The following SEMA6D variants were observed in gnomAD, a reference collection of about 807,000 sequenced individuals.
SEMA6D encodes the protein semaphorin 6D, also known as semaphorin-6D.
In SEMA6D, 35 loss-of-function variants were observed where a neutral mutation model predicts 106.6. The ratio of observed to expected loss-of-function variants is 0.33; its 90% confidence interval spans 0.25 to 0.44. The LOEUF is 0.44. Ranked by LOEUF, SEMA6D falls within the 20% of genes least tolerant of loss-of-function variation. The pLI is 1.00. For synonymous variants in SEMA6D, 499 were observed against 487.7 expected (o/e 1.02, Z -0.31); for missense variants, 1,185 against 1,345.9 (o/e 0.88, Z 1.87).
chr15:47,300,497 T>G (rs947677601), intron 1 of SEMA6D, among the ~76,000 whole-genome samples: 2 of 152,166 alleles, frequency 1.3e-5, no homozygotes, highest in Non-Finnish European at 2.9e-5. Context: ...GAATAAAACG[T>G]GTCCCTGCCA....
chr15:47,400,041 C>A (rs1280202409), intron 1 of SEMA6D, among the ~76,000 whole-genome samples: 1 of 152,140 alleles, frequency 6.6e-6, no homozygotes, highest in Non-Finnish European at 1.5e-5. Context: ...TTTTATGATA[C>A]CCTCCTCACC....
intron 1 of SEMA6D, among the ~76,000 whole-genome samples, chr15:47,353,005 A>G (rs1287553127): frequency 2.6e-5 from 4 of 152,156 alleles, no homozygotes; most frequent in Non-Finnish European, 5.9e-5. Flanking sequence ...CTGTACACAG[A>G]TGTCGTAAGA....
chr15:47,231,999 T>C (rs2032227910), intron 1 of SEMA6D, among the ~76,000 whole-genome samples: 1 of 152,004 alleles, frequency 6.6e-6, no homozygotes, highest in African/African-American at 2.4e-5. Context: ...CTGTGAGTAA[T>C]CAATCCCAAT....
At chr15:47,576,184 AT>A (rs1272879230) in intron 3 of SEMA6D, among the ~76,000 whole-genome samples, 2 of 152,334 alleles carry the variant, frequency 1.3e-5, no homozygotes, top group East Asian at 3.9e-4. Context: ...TTCAGAAACT[AT>A]ATTGGAATTT....
At chr15:47,575,730 A>AC (rs1461767783) in intron 3 of SEMA6D, among the ~76,000 whole-genome samples, 4 of 152,124 alleles carry the variant, frequency 2.6e-5, no homozygotes, top group African/African-American at 9.7e-5. Flanking sequence ...AAACAAAAAA[A>AC]AAAGAGAGAA....
chr15:47,400,763 T>G (rs1401834595), intron 1 of SEMA6D, among the ~76,000 whole-genome samples: 1 of 152,232 alleles, frequency 6.6e-6, no homozygotes, highest in African/African-American at 2.4e-5. Flanking sequence ...GGCCTATTTC[T>G]AAAGCACACA....
At position 47,771,898 on chromosome 15, in the gene SEMA6D, G is replaced by T; in HGVS notation, c.*113G>T. On this transcript the variant is annotated 3_prime_UTR_variant, in exon 19 of 19. Transcript: ENST00000536845. ...CGCTTGTATTTTAAGAGAACCAAGTGGCCAAAGAAACTCTTTCTAACTTTG... is the reference window on the plus strand; with the variant it reads ...CGCTTGTATTTTAAGAGAACCAAGTTGCCAAAGAAACTCTTTCTAACTTTG... 1.7e-6 allele frequency: 2 copies of T among 1,164,552 alleles called. No individual in the cohort carries two copies. Among genetic ancestry groups the T allele is most frequent in the Non-Finnish European group, 2.4e-6 (2 of 820,746 alleles). 72.1% of individuals were successfully genotyped at this position (1,164,552 alleles called of 1,614,324 possible). A position where few individuals can be genotyped will look rare whatever the true frequency, so the allele number is the denominator to read the frequency against.
At chr15:47,465,057 C>A (rs1425557207) in intron 2 of SEMA6D, among the ~76,000 whole-genome samples, 1 of 152,136 alleles carries the variant, frequency 6.6e-6, no homozygotes, top group Non-Finnish European at 1.5e-5. Flanking sequence ...CCCTGACTCC[C>A]CTCACCACTC....
intron 3 of SEMA6D, among the ~76,000 whole-genome samples, chr15:47,591,242 T>C (rs1301672796): frequency 6.6e-6 from 1 of 152,174 alleles, no homozygotes; most frequent in African/African-American, 2.4e-5. Context: ...ACTAACCCCA[T>C]TCATGACATG....
chr15:47,280,368 G>T (rs564923884), intron 1 of SEMA6D, among the ~76,000 whole-genome samples: 2 of 151,372 alleles, frequency 1.3e-5, no homozygotes, highest in African/African-American at 2.4e-5. Context: ...GGGATCGGTG[G>T]TGATATCCTC....
chr15:47,248,655 A>C (rs1282349946), intron 1 of SEMA6D, among the ~76,000 whole-genome samples: 1 of 152,168 alleles, frequency 6.6e-6, no homozygotes, highest in Non-Finnish European at 1.5e-5. Flanking sequence ...TTTTTTGGGA[A>C]ACTTAGCTCT....
intron 1 of SEMA6D, among the ~76,000 whole-genome samples, chr15:47,376,683 C>T (rs1259555354): frequency 6.6e-6 from 1 of 152,190 alleles, no homozygotes; most frequent in Non-Finnish European, 1.5e-5. Context: ...AGCTGGGGAG[C>T]ACTGGCTCTT....
intron 1 of SEMA6D, among the ~76,000 whole-genome samples, chr15:47,723,409 T>A (rs141567799): frequency 3.9e-5 from 6 of 152,254 alleles, no homozygotes; most frequent in African/African-American, 1.4e-4. Flanking sequence ...TGCGTCCGGG[T>A]GTGATTGACA....
intron 3 of SEMA6D, among the ~76,000 whole-genome samples, chr15:47,496,405 G>A (rs1369644): frequency 0.047 from 7,087 of 151,962 alleles, 484 homozygotes; most frequent in African/African-American, 0.15. Context: ...ACACTTTCCC[G>A]TGTCCTCAGT....
At chr15:47,731,997 A>G (rs2080159104) in intron 1 of SEMA6D, among the ~76,000 whole-genome samples, 1 of 152,232 alleles carries the variant, frequency 6.6e-6, no homozygotes, top group African/African-American at 2.4e-5. Context: ...AATTGGGTAT[A>G]TCACTAGACC....
At chr15:47,236,801 G>A (rs1015125755) in intron 1 of SEMA6D, among the ~76,000 whole-genome samples, 4 of 152,148 alleles carry the variant, frequency 2.6e-5, no homozygotes, top group African/African-American at 9.7e-5. Context: ...GAAGGGGAAG[G>A]ACATAGATTA....
intron 3 of SEMA6D, among the ~76,000 whole-genome samples, chr15:47,471,535 G>T (rs1233626410): frequency 6.6e-6 from 1 of 152,150 alleles, no homozygotes; most frequent in South Asian, 2.1e-4. Context: ...CTGTCGTAAA[G>T]ACTGCTGCTC....
chr15:47,293,909 A>ATG (rs1431982649), intron 1 of SEMA6D, among the ~76,000 whole-genome samples: 2 of 152,192 alleles, frequency 1.3e-5, no homozygotes, highest in Non-Finnish European at 2.9e-5. Context: ...GTGTTGCATA[A>ATG]TGTGAGCTTT....
rs2078512606 is a variant in SEMA6D at position 47,688,284 on chromosome 15, T to A, written c.-54-71461T>A. Among the ~76,000 whole-genome samples, 5 of 152,152 alleles carry A rather than the reference T, an allele frequency of 3.3e-5. No homozygotes were observed. The South Asian group carries it at 1.0e-3, about 32-fold the overall frequency. On this transcript the variant is annotated intron_variant, in intron 4 of 19. Transcript: ENST00000558014. ...GATCAGGTCATGCTGAGCATCATAC[T>A]GACTATTGGGTGCCATACTAGAAGC...
Sources: gnomAD v4.1 joint callset for allele counts (sites outside exome capture counted in the v4.1 genomes callset) on GRCh38, gnomAD v4.1.1 for gene constraint, MANE v1.5 for transcripts, NCBI Gene and HGNC (gene_info 2026-07-23, HGNC 2026-07-21) for gene names.